SGCD: variants seen among roughly 807,000 people sequenced by gnomAD.
The protein encoded by SGCD is sarcoglycan delta.
A neutral mutation model predicts 36.6 loss-of-function variants in SGCD; 18 were observed. The ratio of observed to expected loss-of-function variants is 0.49; its 90% CI spans 0.34 to 0.73. SGCD has a LOEUF of 0.73. Ranked by LOEUF, SGCD falls within the 30% of genes least tolerant of loss-of-function variation. The pLI, the probability that SGCD is intolerant of heterozygous loss-of-function variation, is 0.01. For missense variants in SGCD, 387 were observed against 346.7 expected (o/e 1.12, Z -0.92); for synonymous variants, 133 against 130.6 (o/e 1.02, Z -0.12).
intron 2 of SGCD, among the ~76,000 whole-genome samples, chr5:156,337,280 A>G (rs928930989): frequency 2.0e-5 from 3 of 152,218 alleles, no homozygotes; most frequent in Non-Finnish European, 4.4e-5. Context: ...TCATAGTTAC[A>G]TAATTCATGT....
chr5:156,118,150 C>T (rs751586829), intron 2 of SGCD, among the ~76,000 whole-genome samples: 9 of 152,008 alleles, frequency 5.9e-5, no homozygotes, highest in Admixed American at 1.3e-4. Flanking sequence ...TGCCTGGTTT[C>T]GAGACAGCAC....
chr5:156,572,023 T>A (rs187890247), intron 4 of SGCD, among the ~76,000 whole-genome samples: 1 of 152,250 alleles, frequency 6.6e-6, no homozygotes, highest in Admixed American at 6.5e-5. Flanking sequence ...TTGTGTATAG[T>A]TCCTTTGACT....
intron 3 of SGCD, among the ~76,000 whole-genome samples, chr5:156,213,752 A>T (rs909441133): frequency 6.6e-6 from 1 of 152,078 alleles, no homozygotes; most frequent in Non-Finnish European, 1.5e-5. Flanking sequence ...TCAACAGCAC[A>T]TTAAAAGTCA....
chr5:156,000,334 C>G (rs182534474), intron 1 of SGCD, among the ~76,000 whole-genome samples: 1 of 152,248 alleles, frequency 6.6e-6, no homozygotes, highest in Non-Finnish European at 1.5e-5. Flanking sequence ...GCAGGCAGTT[C>G]TGATGACCCA....
chr5:155,730,477 C>T, the SGCD span, among the ~76,000 whole-genome samples: 12 of 21,702 alleles, frequency 5.5e-4, no homozygotes, highest in South Asian at 1.2e-3. Context: ...GTGTGTGTGG[C>T]GAGGGGAAAT....
the SGCD span, among the ~76,000 whole-genome samples, chr5:155,736,643 CT>C: frequency 6.6e-6 from 1 of 152,060 alleles, no homozygotes; most frequent in Non-Finnish European, 1.5e-5. Context: ...ATCTTCTCAC[CT>C]TTTAATGGGC....
Position 156,102,150 on chromosome 5 carries a change from AT to A in SGCD, c.-281-15718del, listed in dbSNP as rs576678258. Among the ~76,000 whole-genome samples, 427 of 150,030 alleles carry A rather than the reference AT, an allele frequency of 2.8e-3. 5 individuals carry two copies. Among genetic ancestry groups the A allele is most frequent in the African/African-American group, 7.5e-3 (309 of 41,022 alleles). On this transcript the variant is annotated intron_variant, in intron 1 of 9. Transcript: ENST00000517913. ...ACAGAAATAAGAATGTTTCTGATTG[AT>A]TTTTTTTTTATTTTTGTGGCCAGAA...
At chr5:156,743,432 A>G (rs537773442) in intron 7 of SGCD, among the ~76,000 whole-genome samples, 1 of 152,276 alleles carries the variant, frequency 6.6e-6, no homozygotes, top group South Asian at 2.1e-4. Flanking sequence ...TTAATACCAC[A>G]TTATCTACTT....
intron 6 of SGCD, among the ~76,000 whole-genome samples, chr5:156,610,756 C>A (rs12521380): frequency 6.6e-6 from 1 of 152,252 alleles, no homozygotes; most frequent in African/African-American, 2.4e-5. Flanking sequence ...CGCCCCTCCC[C>A]CAGCCTCGCT....
At chr5:155,961,205 T>G (rs1757783352) in intron 1 of SGCD, among the ~76,000 whole-genome samples, 1 of 152,132 alleles carries the variant, frequency 6.6e-6, no homozygotes, top group Non-Finnish European at 1.5e-5. Flanking sequence ...TCTGTAGAAT[T>G]ATACCCTGCT....
intron 7 of SGCD, among the ~76,000 whole-genome samples, chr5:156,648,184 G>A (rs192985679): frequency 6.6e-6 from 1 of 151,546 alleles, no homozygotes; most frequent in Admixed American, 6.6e-5. Context: ...ATTTAAAATG[G>A]TACGTTGAAA....
the SGCD span, among the ~76,000 whole-genome samples, chr5:155,759,014 A>AT: frequency 6.1e-4 from 79 of 129,526 alleles, no homozygotes; most frequent in Non-Finnish European, 8.3e-4. Flanking sequence ...TTTTATTTTT[A>AT]TTTTTTTTTT....
At chr5:155,854,015 A>G in the SGCD span, among the ~76,000 whole-genome samples, 2 of 152,334 alleles carry the variant, frequency 1.3e-5, no homozygotes, top group East Asian at 3.9e-4. Context: ...TTTCATAGGA[A>G]GAGTATTTTT....
intron 7 of SGCD, among the ~76,000 whole-genome samples, chr5:156,711,454 A>T (rs1754991069): frequency 6.6e-6 from 1 of 152,198 alleles, no homozygotes; most frequent in Admixed American, 6.5e-5. Flanking sequence ...GTAAAAACTA[A>T]CTTTTTGATG....
chr5:156,402,637 T>C (rs1278075314), intron 3 of SGCD, among the ~76,000 whole-genome samples: 1 of 152,220 alleles, frequency 6.6e-6, no homozygotes, highest in African/African-American at 2.4e-5. Context: ...ATGCATGAAC[T>C]TGCAAGAATG....
chr5:156,646,044 G>A (rs1763212051), intron 6 of SGCD, among the ~76,000 whole-genome samples: 2 of 152,048 alleles, frequency 1.3e-5, no homozygotes, highest in African/African-American at 4.8e-5. Context: ...CATGCCCAAG[G>A]TCACTCAGCT....
At chr5:156,638,699 T>G (rs1561831260) in intron 6 of SGCD, among the ~76,000 whole-genome samples, 1 of 152,178 alleles carries the variant, frequency 6.6e-6, no homozygotes, top group Non-Finnish European at 1.5e-5. Flanking sequence ...GCTTGGATGG[T>G]TCCTTTTGTT....
chr5:155,742,479 A>G, the SGCD span, among the ~76,000 whole-genome samples: 1 of 152,222 alleles, frequency 6.6e-6, no homozygotes, highest in Non-Finnish European at 1.5e-5. Context: ...ATTAAATGTG[A>G]TTAAGACTTA....
the SGCD span, among the ~76,000 whole-genome samples, chr5:155,839,982 T>C: frequency 3.3e-5 from 5 of 152,078 alleles, no homozygotes; most frequent in African/African-American, 1.2e-4. Flanking sequence ...TCTTCTGCTC[T>C]TTCTGTATAG....
Sources: allele counts gnomAD v4.1 joint callset (sites outside exome capture counted in the v4.1 genomes callset), GRCh38; gene constraint gnomAD v4.1.1; transcripts MANE v1.5; gene names NCBI Gene and HGNC (gene_info 2026-07-23, HGNC 2026-07-21).